TMEM255B: variants seen among roughly 807,000 people sequenced by gnomAD.
TMEM255B encodes transmembrane protein 255B, also known as family with sequence similarity 70, member B.
A neutral mutation model predicts 34.5 loss-of-function variants in TMEM255B; 35 were observed. The observed-to-expected ratio is 1.01, with a 90% CI of 0.77 to 1.34. The LOEUF (loss-of-function observed/expected upper bound fraction) is 1.34, where lower values mean the gene tolerates loss of function less well. TMEM255B is among the 40% of genes most tolerant of loss of function. The pLI is 0.00. For synonymous variants in TMEM255B, 206 were observed against 201.2 expected (o/e 1.02, Z -0.20); for missense variants, 432 against 433.2 (o/e 1.00, Z 0.02).
At chr13:113,803,388 C>T (rs2051101788) in intron 7 of TMEM255B, 3 of 148,148 alleles carry the variant, frequency 2.0e-5, no homozygotes, top group Admixed American at 6.7e-5. Flanking sequence ...AAGATGCTTC[C>T]TTCATTCCTT....
At chr13:113,804,744 T>C in intron 7 of TMEM255B, 141 bp from the exon 8 acceptor site, 1 of 565,312 alleles carries the variant, frequency 1.8e-6, no homozygotes, top group Non-Finnish European at 2.8e-6. Flanking sequence ...AGCTCCAGCC[T>C]GGGTATAAAC....
At chr13:113,766,643 G>C (rs919765253) in intron 2 of TMEM255B, among the ~76,000 whole-genome samples, 1 of 152,246 alleles carries the variant, frequency 6.6e-6, no homozygotes, top group African/African-American at 2.4e-5. Context: ...AGGCCGGACA[G>C]AGCCTCCCCA....
At chr13:113,791,847 G>A (rs1027786258) in intron 3 of TMEM255B, among the ~76,000 whole-genome samples, 1 of 152,216 alleles carries the variant, frequency 6.6e-6, no homozygotes. Context: ...ACGGGACCAC[G>A]GCCCCTCTGC....
chr13:113,811,245 T>G, intron 8 of TMEM255B, among the ~76,000 whole-genome samples: 1 of 73,570 alleles, frequency 1.4e-5, no homozygotes. Context: ...GTCCTGGGTC[T>G]GTGGGGTGGG....
intron 3 of TMEM255B, among the ~76,000 whole-genome samples, chr13:113,780,784 A>G (rs2050655038): frequency 1.3e-5 from 2 of 152,350 alleles, no homozygotes; most frequent in African/African-American, 2.4e-5. Context: ...CAAGACAACA[A>G]TTGCCTATGG....
In TMEM255B at chr13:113,769,395, C is replaced by A. The variant is rs112084253; in HGVS notation, c.252+235C>A. ...CTGGGTTGCTGGTGTATCAACCTCA[C>A]GTGGTGTGCAACCACCAATGCTGAG... On this transcript the variant is annotated intron_variant, in intron 3 of 8. Transcript: ENST00000375353. The surrounding 1 kb of genome is among the most constrained non-coding windows in gnomAD (Gnocchi z 4.2). Among the ~76,000 whole-genome samples, 1 of 152,166 alleles carries A rather than the reference C, an allele frequency of 6.6e-6. No homozygotes were observed. Among genetic ancestry groups the A allele is most frequent in the East Asian group, 1.9e-4 (1 of 5,190 alleles).
At chr13:113,792,702 G>A (rs1038752546) in intron 3 of TMEM255B, among the ~76,000 whole-genome samples, 1 of 152,192 alleles carries the variant, frequency 6.6e-6, no homozygotes, top group South Asian at 2.1e-4. Flanking sequence ...TTAGTCAGTC[G>A]AACCAGAGCA....
intron 3 of TMEM255B, among the ~76,000 whole-genome samples, chr13:113,784,773 C>T (rs1264501816): frequency 3.3e-5 from 5 of 152,238 alleles, no homozygotes; most frequent in African/African-American, 1.2e-4. Context: ...AGGCAGGTGG[C>T]TAGAGGCCCT....
At chr13:113,784,137 G>A (rs914040097) in intron 3 of TMEM255B, among the ~76,000 whole-genome samples, 3 of 152,162 alleles carry the variant, frequency 2.0e-5, no homozygotes, top group Non-Finnish European at 4.4e-5. Flanking sequence ...AGTTTGGTGA[G>A]GTTGTGAAGG....
At chr13:113,801,933 C>T (rs1021429049) in intron 7 of TMEM255B, 121 bp downstream of exon 7, 16 of 1,163,244 alleles carry the variant, frequency 1.4e-5, no homozygotes, top group Non-Finnish European at 1.8e-5. Flanking sequence ...GAAGCCCATG[C>T]GTCTGTCAGC....
chr13:113,791,450 C>T (rs561036350), intron 3 of TMEM255B, among the ~76,000 whole-genome samples: 7 of 152,298 alleles, frequency 4.6e-5, no homozygotes, highest in Middle Eastern at 3.4e-3. Flanking sequence ...GCAGCCCCAA[C>T]GAATCTGGGG....
chr13:113,773,572 A>C lies in TMEM255B; in HGVS notation c.252+4412A>C, dbSNP rs146439912. On this transcript the variant is annotated intron_variant, in intron 3 of 8. Transcript: ENST00000375353. ...GGAAGGCACCCGGATGCCCCAGACC[A>C]GAACCTCTGAGGGGTTGTCTGTGAT... is the stretch of plus-strand genomic sequence containing the variant. Among the ~76,000 whole-genome samples the C allele has an allele frequency of 4.3e-3, 662 of 152,366 alleles. 1 individual carries two copies. Among genetic ancestry groups the C allele is most frequent in the Non-Finnish European group, 7.0e-3 (473 of 68,036 alleles).
Position 113,770,353 on chromosome 13 carries a change from C to T in TMEM255B, c.252+1193C>T, listed in dbSNP as rs2050457914. Among the ~76,000 whole-genome samples, 1 of 152,144 alleles carries T rather than the reference C, an allele frequency of 6.6e-6. No homozygotes were observed. Among genetic ancestry groups the T allele is most frequent in the Non-Finnish European group, 1.5e-5 (1 of 68,016 alleles). Reference sequence around the variant, plus strand: ...ATGATTCAACTGCCTTCCACCAGGTCCCTCCCACAACACATGAGGATCCAA... The same window carrying T: ...ATGATTCAACTGCCTTCCACCAGGTTCCTCCCACAACACATGAGGATCCAA... On this transcript the variant is annotated intron_variant, in intron 3 of 8. Transcript: ENST00000375353. This position sits in a 1 kb window ranked among gnomAD's most constrained non-coding sequence, Gnocchi z 4.6.
At position 113,812,583 on chromosome 13, in the gene TMEM255B, C is replaced by A; in HGVS notation, c.*680C>A. ...TTCCGCGGCTTCTCCCTCACCGCAC[C>A]TTGTCTCAGGACCCCTGGCCGCTGG... On this transcript the variant is annotated 3_prime_UTR_variant, in exon 9 of 9. Transcript: ENST00000375353. 6.5e-6 allele frequency: 1 copy of A among 152,842 alleles called. No homozygotes were observed. Among genetic ancestry groups the A allele is most frequent in the Non-Finnish European group, 1.5e-5 (1 of 68,406 alleles). The allele number at this position is 152,842 out of a possible 1,614,324, so 9.5% of individuals were successfully genotyped here.
intron 6 of TMEM255B, 51 bp from the exon 7 acceptor site, chr13:113,801,602 C>G (rs368118690): frequency 1.3e-6 from 2 of 1,533,664 alleles, no homozygotes; most frequent in Non-Finnish European, 1.8e-6. Context: ...GTTTAACTTG[C>G]GGGTGGTCAC....
At chr13:113,777,043 C>T (rs182079742) in intron 3 of TMEM255B, among the ~76,000 whole-genome samples, 1 of 152,200 alleles carries the variant, frequency 6.6e-6, no homozygotes, top group Admixed American at 6.5e-5. Flanking sequence ...ACAGAAGCTG[C>T]ATCCACATCT....
intron 3 of TMEM255B, among the ~76,000 whole-genome samples, chr13:113,790,041 A>G (rs1174087626): frequency 6.6e-6 from 1 of 151,446 alleles, no homozygotes; most frequent in African/African-American, 2.4e-5. Context: ...CTAGCGCTGG[A>G]CTGACTGGGC....
At position 113,815,428 on chromosome 13, in the gene TMEM255B, C is replaced by A. The variant is rs1044795459; in HGVS notation, c.*3525C>A. On this transcript the variant is annotated 3_prime_UTR_variant, in exon 9 of 9. Coordinates refer to ENST00000375353, the MANE Select transcript of TMEM255B (RefSeq NM_182614.4). ...AAGGGACATGGGTGATATGGTTTTG[C>A]TGTGTCCCCACCCAAATCTCAACTT... is the stretch of plus-strand genomic sequence containing the variant. 2.0e-5 allele frequency: 3 copies of A among 152,132 alleles called. No individual in the cohort carries two copies. Among genetic ancestry groups the A allele is most frequent in the African/African-American group, 7.3e-5 (3 of 41,312 alleles). 9.4% of individuals were successfully genotyped at this position (152,132 alleles called of 1,614,324 possible). A position where few individuals can be genotyped will look rare whatever the true frequency, so the allele number is the denominator to read the frequency against.
chr13:113,807,453 G>A (rs1254587248), intron 8 of TMEM255B, among the ~76,000 whole-genome samples: 2 of 136,910 alleles, frequency 1.5e-5, no homozygotes, highest in Non-Finnish European at 3.1e-5. Flanking sequence ...GCAGGCTTAC[G>A]GGATGTGGGG....
Sources: allele counts gnomAD v4.1 joint callset (sites outside exome capture counted in the v4.1 genomes callset), GRCh38; gene constraint gnomAD v4.1.1; non-coding constraint Gnocchi (gnomAD v3.1); transcripts MANE v1.5; gene names NCBI Gene and HGNC (gene_info 2026-07-23, HGNC 2026-07-21).